The following LGR6 variants were observed in gnomAD, a reference collection of about 807,000 sequenced individuals.
The protein encoded by LGR6 is leucine rich repeat containing G protein-coupled receptor 6, also known as leucine-rich repeat-containing G protein-coupled receptor 6.
Under a neutral mutation model 69.4 loss-of-function variants are expected in LGR6, and 45 were observed. That is an observed-to-expected ratio of 0.65 (90% CI 0.51 to 0.83). LGR6 has a LOEUF of 0.83. Among genes scored for constraint, LGR6 ranks in the 40% least tolerant of loss-of-function variants. LGR6 has a pLI of 0.00. For synonymous variants in LGR6, 538 were observed against 555.0 expected, an observed-to-expected ratio of 0.97 and a Z score of 0.43; for missense variants, 1,108 against 1,246.7, an observed-to-expected ratio of 0.89 and a Z score of 1.68.
At chr1:202,292,067 G>A (rs866912740) in intron 6 of LGR6, among the ~76,000 whole-genome samples, 4 of 152,124 alleles carry the variant, frequency 2.6e-5, no homozygotes, top group Admixed American at 6.5e-5. Context: ...CATGAGGGGC[G>A]CAAGTAACTA....
intron 1 of LGR6, chr1:202,203,839 C>T: frequency 6.2e-7 from 1 of 1,613,872 alleles, no homozygotes; most frequent in South Asian, 1.1e-5. Flanking sequence ...CCAAGGTTGA[C>T]ACTTGTTTGT....
chr1:202,216,859 G>A (rs1281039699), intron 1 of LGR6, among the ~76,000 whole-genome samples: 1 of 152,230 alleles, frequency 6.6e-6, no homozygotes, highest in East Asian at 1.9e-4. Context: ...CCAGTGCCAC[G>A]CTTTGCTCTT....
At chr1:202,302,577 C>T (rs906338640) in intron 9 of LGR6, among the ~76,000 whole-genome samples, 13 of 152,084 alleles carry the variant, frequency 8.5e-5, no homozygotes, top group Non-Finnish European at 5.9e-5. Flanking sequence ...GACAGGATCT[C>T]ACTCTGTTGC....
At chr1:202,304,471 A>G in intron 10 of LGR6, 88 bp from the exon 11 acceptor site, 1 of 890,140 alleles carries the variant, frequency 1.1e-6, no homozygotes, top group Admixed American at 2.0e-5. Flanking sequence ...TCATCCCACG[A>G]CAGTATCAGG....
intron 4 of LGR6, among the ~76,000 whole-genome samples, chr1:202,247,212 G>A (rs892383722): frequency 6.6e-6 from 1 of 152,242 alleles, no homozygotes; most frequent in African/African-American, 2.4e-5. Context: ...TCCAATCCTC[G>A]CCACTCAAAG....
At chr1:202,312,319 A>C (rs2148305219) in intron 16 of LGR6, among the ~76,000 whole-genome samples, 1 of 152,294 alleles carries the variant, frequency 6.6e-6, no homozygotes, top group South Asian at 2.1e-4. Context: ...CTTGTGTTTC[A>C]TTCATGCATT....
chr1:202,307,069 C>A, intron 13 of LGR6, 130 bp downstream of exon 13: 1 of 800,736 alleles, frequency 1.2e-6, no homozygotes, highest in Non-Finnish European at 2.1e-6. Flanking sequence ...AGCTCCACAG[C>A]CCCCACCCCC....
intron 3 of LGR6, among the ~76,000 whole-genome samples, chr1:202,230,486 T>C (rs1299452927): frequency 6.6e-6 from 1 of 152,206 alleles, no homozygotes; most frequent in Non-Finnish European, 1.5e-5. Flanking sequence ...GGCTCAGCAC[T>C]GGAGCTGTGC....
chr1:202,311,281 A>G (rs758569037), intron 16 of LGR6, among the ~76,000 whole-genome samples: 2 of 152,266 alleles, frequency 1.3e-5, no homozygotes, highest in Non-Finnish European at 2.9e-5. Context: ...ACTGAGGTCC[A>G]ATCCCAACTA....
At chr1:202,292,827 A>G (rs1666890531) in intron 6 of LGR6, among the ~76,000 whole-genome samples, 1 of 152,230 alleles carries the variant, frequency 6.6e-6, no homozygotes, top group Non-Finnish European at 1.5e-5. Flanking sequence ...TGAGAGCCAA[A>G]TCTTACATTT....
At chr1:202,241,856 G>A (rs890893469) in intron 4 of LGR6, among the ~76,000 whole-genome samples, 2 of 152,148 alleles carry the variant, frequency 1.3e-5, no homozygotes, top group Non-Finnish European at 2.9e-5. Context: ...TGCATAATGC[G>A]AAGGACAGCC....
At chr1:202,307,429 G>A in intron 14 of LGR6, 28 bp downstream of exon 14, 1 of 1,606,396 alleles carries the variant, frequency 6.2e-7, no homozygotes, top group Non-Finnish European at 8.5e-7. Context: ...TCTCCTCCAG[G>A]ATGCTGGGGG....
rs1396554928 is a variant in LGR6 at position 202,281,074 on chromosome 1, T to C, written c.716+222T>C. The C allele has an allele frequency of 7.5e-6, 4 of 531,966 alleles. No homozygotes were observed. In the African/African-American group the frequency reaches 7.9e-5, roughly 10 times the overall value. The allele number at this position is 531,966 out of a possible 1,614,324, so 33.0% of individuals were successfully genotyped here. ...GTGGTCAGAATGTGCCCTCTGGGAG[T>C]TCAGAATGGCCCAGGGAGTAGGAAC... On this transcript the variant is annotated intron_variant, in intron 6 of 17. Transcript: ENST00000367278.
chr1:202,264,152 G>A (rs1305698102), intron 4 of LGR6, among the ~76,000 whole-genome samples: 4 of 152,122 alleles, frequency 2.6e-5, no homozygotes, highest in Admixed American at 1.3e-4. Context: ...CAGAGAGCCT[G>A]GGAGCTCTTG....
At chr1:202,204,026 T>C in intron 1 of LGR6, 1 of 661,424 alleles carries the variant, frequency 1.5e-6, no homozygotes, top group Admixed American at 2.2e-5. Flanking sequence ...GTTTGTCTGA[T>C]TGTGATGCTC....
intron 3 of LGR6, among the ~76,000 whole-genome samples, chr1:202,230,543 C>T (rs910605756): frequency 6.6e-6 from 1 of 152,218 alleles, no homozygotes; most frequent in Non-Finnish European, 1.5e-5. Flanking sequence ...GGGAAAATGC[C>T]CGAGCCTCTG....
intron 4 of LGR6, among the ~76,000 whole-genome samples, chr1:202,247,595 A>G (rs1294699616): frequency 6.6e-6 from 1 of 152,196 alleles, no homozygotes; most frequent in Non-Finnish European, 1.5e-5. Context: ...GAGGCAGTGA[A>G]AGGTACTAGA....
At chr1:202,230,659 T>C (rs1409404550) in intron 3 of LGR6, among the ~76,000 whole-genome samples, 1 of 152,204 alleles carries the variant, frequency 6.6e-6, no homozygotes, top group East Asian at 1.9e-4. Flanking sequence ...CGTGTGTGTG[T>C]CAGGCTTCTC....
At chr1:202,302,654 C>T (rs1667688636) in intron 9 of LGR6, among the ~76,000 whole-genome samples, 1 of 152,180 alleles carries the variant, frequency 6.6e-6, no homozygotes, top group South Asian at 2.1e-4. Flanking sequence ...TCAAGCGATT[C>T]TCCTGCCTCA....
Sources: allele counts gnomAD v4.1 joint callset (sites outside exome capture counted in the v4.1 genomes callset), GRCh38; gene constraint gnomAD v4.1.1; transcripts MANE v1.5; gene names NCBI Gene and HGNC (gene_info 2026-07-23, HGNC 2026-07-21).